The following USP40 variants were observed in gnomAD, a reference collection of about 807,000 sequenced individuals.
USP40 encodes the protein ubiquitin carboxyl-terminal hydrolase 40.
A neutral mutation model predicts 166.2 loss-of-function variants in USP40; 143 were observed. The ratio of observed to expected loss-of-function variants is 0.86; its 90% CI spans 0.75 to 0.99. The LOEUF is 0.99. Among genes scored for constraint, USP40 ranks in the 50% least tolerant of loss-of-function variants. USP40 has a pLI of 0.00. For synonymous variants in USP40, 498 were observed against 524.0 expected, an observed-to-expected ratio of 0.95 and a Z score of 0.68; for missense variants, 1,444 against 1,479.7, an observed-to-expected ratio of 0.98 and a Z score of 0.40.
At chr2:233,496,067 G>A (rs549122264) in intron 24 of USP40, among the ~76,000 whole-genome samples, 1 of 152,304 alleles carries the variant, frequency 6.6e-6, no homozygotes, top group Non-Finnish European at 1.5e-5. Context: ...GCTAACTGTG[G>A]CTCTCTCTGC....
intron 10 of USP40, among the ~76,000 whole-genome samples, chr2:233,536,027 A>T (rs865961488): frequency 1.2e-4 from 18 of 152,270 alleles, no homozygotes; most frequent in Admixed American, 4.6e-4. Context: ...ATTTGTAATT[A>T]AAAAATAAAA....
At chr2:233,542,987 T>C (rs1183461471) in intron 8 of USP40, among the ~76,000 whole-genome samples, 1 of 152,260 alleles carries the variant, frequency 6.6e-6, no homozygotes, top group Non-Finnish European at 1.5e-5. Flanking sequence ...TCATCCCGTA[T>C]GGTCTCATTC....
At chr2:233,541,382 G>C (rs1357055626) in intron 9 of USP40, among the ~76,000 whole-genome samples, 2 of 152,084 alleles carry the variant, frequency 1.3e-5, no homozygotes, top group Non-Finnish European at 2.9e-5. Flanking sequence ...GACGAAGTTT[G>C]GACAAAGTGA....
Position 233,493,158 on chromosome 2 carries a change from T to C in USP40, c.2917+267A>G. 2.0e-6 allele frequency: 1 copy of C among 502,850 alleles called. No individual in the cohort carries two copies. Among genetic ancestry groups the C allele is most frequent in the South Asian group, 4.0e-5 (1 of 25,118 alleles). The allele number at this position is 502,850 out of a possible 1,614,324, so 31.1% of individuals were successfully genotyped here. On this transcript the variant is annotated intron_variant, in intron 25 of 31. Transcript: ENST00000678225. The surrounding 1 kb of genome is among the most constrained non-coding windows in gnomAD (Gnocchi z 4.7). ...TTGCCCTGAGGATCTTGAGAGATGATACATAAAAGTCTTTGGAAAGTGTAA... is the reference window on the plus strand; with the variant it reads ...TTGCCCTGAGGATCTTGAGAGATGACACATAAAAGTCTTTGGAAAGTGTAA...
At chr2:233,505,848 T>A (rs760959752) in intron 21 of USP40, among the ~76,000 whole-genome samples, 18 of 152,056 alleles carry the variant, frequency 1.2e-4, no homozygotes, top group Admixed American at 2.0e-4. Flanking sequence ...CAAGACCAGA[T>A]GTAGATTCAA....
At chr2:233,505,512 A>C (rs1398276977) in intron 21 of USP40, among the ~76,000 whole-genome samples, 1 of 152,196 alleles carries the variant, frequency 6.6e-6, no homozygotes, top group Non-Finnish European at 1.5e-5. Flanking sequence ...TTGATACCAC[A>C]GACATACAAA....
At chr2:233,552,224 GA>G (rs532914445) in intron 6 of USP40, among the ~76,000 whole-genome samples, 42 of 116,058 alleles carry the variant, frequency 3.6e-4, no homozygotes, top group Admixed American at 8.8e-4. Flanking sequence ...AAAGTTGAAT[GA>G]AAAAAAAAAA....
In USP40 at chr2:233,533,533, C is replaced by T. The variant is rs2068707452; in HGVS notation, c.1417G>A (p.Glu473Lys). The change falls in exon 11 of 32, where the codon GAA (glutamate) becomes AAA (lysine). Residue 473 changes from glutamate to lysine, a missense_variant. Glu to Lys is a moderately conservative substitution (Grantham distance 56, BLOSUM62 1). Transcript: ENST00000678225. ...KDIEQQFQGK[E>K]SAYMLFYRKS... ...CGATAAAACAACATGTAGGCACTTT[C>T]TTTACCCTGAAATTGCTGTTCAATA... 6.2e-7 allele frequency: 1 copy of T among 1,613,718 alleles called. No homozygotes were observed. Among genetic ancestry groups the T allele is most frequent in the Non-Finnish European group, 8.5e-7 (1 of 1,179,800 alleles).
At position 233,493,284 on chromosome 2, in the gene USP40, A is replaced by G. The variant is rs915961561; in HGVS notation, c.2917+141T>C. On this transcript the variant is annotated intron_variant, in intron 25 of 31. Transcript: ENST00000678225. This position sits in a 1 kb window ranked among gnomAD's most constrained non-coding sequence, Gnocchi z 4.7. ...GTGTTATTATTATGTGATGTCTGGA[A>G]TGACTTATGAAATTAATAGGTCTTG... 2.9e-5 allele frequency: 34 copies of G among 1,189,744 alleles called. No homozygotes were observed. Among genetic ancestry groups the G allele is most frequent in the Non-Finnish European group, 4.1e-5 (34 of 837,402 alleles). 73.7% of individuals were successfully genotyped at this position (1,189,744 alleles called of 1,614,324 possible).
In USP40 at chr2:233,566,709, G is replaced by C. The variant is rs2072194047; in HGVS notation, c.-45C>G. On this transcript the variant is annotated 5_prime_UTR_variant, in exon 1 of 32. Transcript: ENST00000678225. Reference sequence around the variant, plus strand: ...TGCCTAAAGCCCAGACCCCCGCCCTGGCCAAAACGCGAAGCGAACGAACCC... The same window carrying C: ...TGCCTAAAGCCCAGACCCCCGCCCTCGCCAAAACGCGAAGCGAACGAACCC... The C allele has an allele frequency of 1.0e-6, 1 of 985,928 alleles. No homozygotes were observed. The highest frequency in any genetic ancestry group is 1.2e-6 in the Non-Finnish European group (1 of 830,076). 61.1% of individuals were successfully genotyped at this position (985,928 alleles called of 1,614,324 possible).
intron 30 of USP40, 78 bp from the exon 31 acceptor site, chr2:233,481,375 A>T (rs747849960): frequency 3.8e-5 from 47 of 1,232,548 alleles, no homozygotes; most frequent in Non-Finnish European, 5.4e-5. Context: ...TGTCTAAAAA[A>T]CTACCTATAT....
intron 30 of USP40, among the ~76,000 whole-genome samples, chr2:233,482,113 G>A (rs927869741): frequency 6.6e-5 from 10 of 152,172 alleles, no homozygotes; most frequent in East Asian, 1.9e-4. Flanking sequence ...TCAGTGCCCC[G>A]CCTCTGCTAG....
At chr2:233,542,402 C>A in intron 8 of USP40, 39 bp from the exon 9 acceptor site, 1 of 1,263,088 alleles carries the variant, frequency 7.9e-7, no homozygotes, top group South Asian at 1.4e-5. Context: ...TCACTAACCC[C>A]TTAAAAAGTA....
intron 31 of USP40, 97 bp downstream of exon 31, chr2:233,481,106 A>G: frequency 8.3e-7 from 1 of 1,197,618 alleles, no homozygotes; most frequent in Non-Finnish European, 1.2e-6. Context: ...CTCTGAATCA[A>G]CAAGAGTTTC....
At chr2:233,510,888 T>C (rs116882049) in intron 20 of USP40, among the ~76,000 whole-genome samples, 1,931 of 152,320 alleles carry the variant, frequency 0.013, 38 homozygotes, top group East Asian at 0.083. Context: ...AATACAAATC[T>C]GATCTCTTAT....
intron 21 of USP40, among the ~76,000 whole-genome samples, chr2:233,503,524 A>G (rs1368273667): frequency 6.6e-6 from 1 of 152,206 alleles, no homozygotes; most frequent in Non-Finnish European, 1.5e-5. Context: ...TCTGAAAGCT[A>G]CAAGATAAAA....
At chr2:233,508,976 C>A (rs1012957733) in intron 21 of USP40, among the ~76,000 whole-genome samples, 15 of 152,132 alleles carry the variant, frequency 9.9e-5, no homozygotes, top group Non-Finnish European at 1.9e-4. Flanking sequence ...TCTTGGATAG[C>A]GGCTTCACTG....
At chr2:233,492,616 ACTCT>A (rs760297539) in intron 25 of USP40, 3 of 152,060 alleles carry the variant, frequency 2.0e-5, no homozygotes, top group African/African-American at 7.3e-5. Flanking sequence ...ATTCAACATT[ACTCT>A]CTCTATATAA....
At chr2:233,511,562 C>G in intron 20 of USP40, 147 bp downstream of exon 20, 1 of 549,954 alleles carries the variant, frequency 1.8e-6, no homozygotes, top group Non-Finnish European at 3.2e-6. Context: ...ACATCTAGAA[C>G]TATAAGGATA....
Sources: gnomAD v4.1 joint callset for allele counts (sites outside exome capture counted in the v4.1 genomes callset) on GRCh38, gnomAD v4.1.1 for gene constraint, Gnocchi (gnomAD v3.1) non-coding constraint, MANE v1.5 for transcripts, NCBI Gene and HGNC (gene_info 2026-07-23, HGNC 2026-07-21) for gene names.